Variants in ZMYM2 observed in about 807,000 individuals in gnomAD.
ZMYM2 encodes zinc finger MYM-type protein 2.
Under a neutral mutation model 162.8 loss-of-function variants are expected in ZMYM2, and 56 were observed. The ratio of observed to expected loss-of-function variants is 0.34; its 90% confidence interval spans 0.28 to 0.43. ZMYM2 has a LOEUF of 0.43. Ranked by LOEUF, ZMYM2 falls within the 20% of genes least tolerant of loss-of-function variation. The pLI is 1.00. For synonymous variants in ZMYM2, 510 were observed against 541.6 expected, an observed-to-expected ratio of 0.94 and a Z score of 0.81; for missense variants, 1,275 against 1,621.8, an observed-to-expected ratio of 0.79 and a Z score of 3.67.
At chr13:19,923,527 C>CT in the ZMYM2 span, among the ~76,000 whole-genome samples, 55,687 of 146,982 alleles carry the variant, frequency 0.38, 10,574 homozygotes, top group Admixed American at 0.41. Context: ...TGTTTGGGGT[C>CT]TTTTTTTTTT....
At chr13:19,941,472 G>T in the ZMYM2 span, among the ~76,000 whole-genome samples, 1 of 152,102 alleles carries the variant, frequency 6.6e-6, no homozygotes, top group African/African-American at 2.4e-5. Flanking sequence ...TGTGAGCAGG[G>T]AGCTTTTATA....
intron 2 of ZMYM2, among the ~76,000 whole-genome samples, chr13:19,962,033 G>C (rs17074514): frequency 0.064 from 9,769 of 152,220 alleles, 364 homozygotes; most frequent in African/African-American, 0.099. Flanking sequence ...TTGTTGGGAG[G>C]AAGATATAAA....
At chr13:20,047,440 G>A (rs981285027) in intron 12 of ZMYM2, among the ~76,000 whole-genome samples, 4 of 151,556 alleles carry the variant, frequency 2.6e-5, no homozygotes, top group Admixed American at 6.6e-5. Context: ...AAATCATTCC[G>A]GCTTATCAGA....
chr13:19,884,514 A>C, the ZMYM2 span, among the ~76,000 whole-genome samples: 1 of 152,102 alleles, frequency 6.6e-6, no homozygotes, highest in African/African-American at 2.4e-5. Flanking sequence ...AAAGGCTTGC[A>C]GTGAGCCAAG....
At chr13:20,040,302 T>C (rs1288473358) in intron 12 of ZMYM2, among the ~76,000 whole-genome samples, 4 of 152,330 alleles carry the variant, frequency 2.6e-5, no homozygotes, top group South Asian at 4.1e-4. Context: ...AGTTTTTTCC[T>C]GGCTCAGTCT....
chr13:20,060,003 C>T (rs1291637328), intron 16 of ZMYM2, among the ~76,000 whole-genome samples: 1 of 152,124 alleles, frequency 6.6e-6, no homozygotes, highest in Non-Finnish European at 1.5e-5. Flanking sequence ...CACTGCACTG[C>T]AGCCTGGTCT....
At chr13:19,919,856 G>A in the ZMYM2 span, among the ~76,000 whole-genome samples, 2 of 151,980 alleles carry the variant, frequency 1.3e-5, no homozygotes, top group Middle Eastern at 3.4e-3. Flanking sequence ...TGTATTTTTA[G>A]TAGAGACGGA....
chr13:20,077,682 T>A (rs575209095), intron 21 of ZMYM2, among the ~76,000 whole-genome samples: 2 of 152,148 alleles, frequency 1.3e-5, no homozygotes, highest in Non-Finnish European at 2.9e-5. Flanking sequence ...CAGGAACTAC[T>A]TAGCCTGGCT....
At chr13:19,909,019 A>G in the ZMYM2 span, among the ~76,000 whole-genome samples, 1 of 152,218 alleles carries the variant, frequency 6.6e-6, no homozygotes, top group Non-Finnish European at 1.5e-5. Flanking sequence ...ATTATCCCAG[A>G]CAGCAGTATC....
chr13:20,023,765 G>A (rs1952321596), intron 7 of ZMYM2, among the ~76,000 whole-genome samples: 1 of 152,092 alleles, frequency 6.6e-6, no homozygotes, highest in East Asian at 1.9e-4. Flanking sequence ...TGATTATTTT[G>A]ATTGCTTACA....
At chr13:19,916,378 T>C in the ZMYM2 span, among the ~76,000 whole-genome samples, 1 of 152,102 alleles carries the variant, frequency 6.6e-6, no homozygotes, top group Non-Finnish European at 1.5e-5. Context: ...GCCCAAAGGA[T>C]TATAAATCAT....
At chr13:19,935,559 CT>C in the ZMYM2 span, among the ~76,000 whole-genome samples, 1 of 151,880 alleles carries the variant, frequency 6.6e-6, no homozygotes, top group East Asian at 1.9e-4. Flanking sequence ...TATCACTTGT[CT>C]TTTTTGTTTG....
chr13:19,882,987 G>A, the ZMYM2 span, among the ~76,000 whole-genome samples: 1 of 152,110 alleles, frequency 6.6e-6, no homozygotes. Context: ...GTAGACAAAA[G>A]ATGGAAACAA....
chr13:19,891,267 C>T, the ZMYM2 span, among the ~76,000 whole-genome samples: 1,806 of 151,870 alleles, frequency 0.012, 61 homozygotes, highest in African/African-American at 0.04. Flanking sequence ...GAAGAGGCCG[C>T]GTGAGGACAC....
the ZMYM2 span, among the ~76,000 whole-genome samples, chr13:19,952,819 A>G: frequency 5.9e-5 from 9 of 152,200 alleles, no homozygotes; most frequent in East Asian, 1.5e-3. Flanking sequence ...CACTGAAGAA[A>G]CTGAGGCTCA....
chr13:20,049,735 C>T (rs1955142701), intron 12 of ZMYM2, among the ~76,000 whole-genome samples: 1 of 151,932 alleles, frequency 6.6e-6, no homozygotes, highest in Admixed American at 6.6e-5. Context: ...ACCCATTTTG[C>T]AGGGCTGTTG....
At position 20,052,751 on chromosome 13, in the gene ZMYM2, G is replaced by A. The variant is rs147674734; in HGVS notation, c.2493+440G>A. On this transcript the variant is annotated intron_variant, in intron 14 of 24. Coordinates refer to ENST00000610343, the MANE Select transcript of ZMYM2 (RefSeq NM_197968.4). Reference sequence around the variant, plus strand: ...GAAGATTGCCAGATAGGCATGAAAAGTAGGAGAATAATAAAGTACTAAGCA... The same window carrying A: ...GAAGATTGCCAGATAGGCATGAAAAATAGGAGAATAATAAAGTACTAAGCA... Among the ~76,000 whole-genome samples, 334 of 152,312 alleles carry A rather than the reference G, an allele frequency of 2.2e-3. 3 individuals carry two copies. The highest frequency in any genetic ancestry group is 7.5e-3 in the African/African-American group (313 of 41,570).
At chr13:19,964,932 A>G (rs1955603150) in intron 2 of ZMYM2, among the ~76,000 whole-genome samples, 1 of 152,006 alleles carries the variant, frequency 6.6e-6, no homozygotes, top group South Asian at 2.1e-4. Flanking sequence ...ATCTGTTAAA[A>G]CTCTTGCATT....
intron 13 of ZMYM2, among the ~76,000 whole-genome samples, chr13:20,051,995 TA>T (rs547958098): frequency 3.1e-4 from 47 of 152,086 alleles, no homozygotes; most frequent in African/African-American, 1.1e-3. Context: ...GTAATTTTTT[TA>T]AAAAAAATAT....
Sources: allele counts gnomAD v4.1 joint callset (sites outside exome capture counted in the v4.1 genomes callset), GRCh38; gene constraint gnomAD v4.1.1; transcripts MANE v1.5; gene names NCBI Gene and HGNC (gene_info 2026-07-23, HGNC 2026-07-21).